The following RASSF8 variants were observed in gnomAD, a reference collection of about 807,000 sequenced individuals.
The protein encoded by RASSF8 is ras association domain-containing protein 8.
A neutral mutation model predicts 48.5 loss-of-function variants in RASSF8; 22 were observed. That is an observed-to-expected ratio of 0.45 (90% CI 0.32 to 0.65). The LOEUF is 0.65. Among genes scored for constraint, RASSF8 ranks in the 30% least tolerant of loss-of-function variants. The pLI is 0.03. For missense variants in RASSF8, 418 were observed against 489.2 expected, an observed-to-expected ratio of 0.85 and a Z score of 1.37; for synonymous variants, 127 against 171.5, an observed-to-expected ratio of 0.74 and a Z score of 2.03.
At chr12:25,990,749 AT>A (rs1941995195) in intron 1 of RASSF8, among the ~76,000 whole-genome samples, 1 of 152,358 alleles carries the variant, frequency 6.6e-6, no homozygotes, top group East Asian at 1.9e-4. Context: ...GACAACAAAA[AT>A]TTAGGAATAG....
intron 5 of RASSF8, among the ~76,000 whole-genome samples, chr12:26,078,319 A>G (rs1944088715): frequency 6.6e-6 from 1 of 152,228 alleles, no homozygotes; most frequent in Non-Finnish European, 1.5e-5. Flanking sequence ...GTGGCTTGAG[A>G]AGTCCTCTCT....
At chr12:25,972,028 G>C (rs1941497090) in intron 1 of RASSF8, among the ~76,000 whole-genome samples, 1 of 152,142 alleles carries the variant, frequency 6.6e-6, no homozygotes, top group Non-Finnish European at 1.5e-5. Context: ...CTGGATCCTT[G>C]GGCCCAGCAC....
At chr12:25,975,512 C>T (rs1941584435) in intron 1 of RASSF8, among the ~76,000 whole-genome samples, 1 of 152,180 alleles carries the variant, frequency 6.6e-6, no homozygotes, top group South Asian at 2.1e-4. Context: ...GCATACTGCT[C>T]AGTGTCTTCC....
chr12:26,010,439 G>T (rs1325721998), intron 2 of RASSF8, among the ~76,000 whole-genome samples: 1 of 152,114 alleles, frequency 6.6e-6, no homozygotes, highest in African/African-American at 2.4e-5. Flanking sequence ...ATTGCCCAGG[G>T]TCATGCAGGC....
At chr12:26,045,240 A>T (rs114300586) in intron 2 of RASSF8, among the ~76,000 whole-genome samples, 1 of 152,132 alleles carries the variant, frequency 6.6e-6, no homozygotes, top group African/African-American at 2.4e-5. Flanking sequence ...TTTACCAAAT[A>T]TTATTTTTGG....
intron 2 of RASSF8, among the ~76,000 whole-genome samples, chr12:26,003,865 A>G (rs1048490062): frequency 5.9e-5 from 9 of 152,182 alleles, no homozygotes; most frequent in Admixed American, 5.2e-4. Context: ...AGTAAAAAAT[A>G]CATTTTCCAT....
At chr12:26,036,958 T>C (rs1165970110) in intron 2 of RASSF8, among the ~76,000 whole-genome samples, 1 of 152,012 alleles carries the variant, frequency 6.6e-6, no homozygotes, top group Non-Finnish European at 1.5e-5. Flanking sequence ...TGTATTACCC[T>C]AGGATAAAGT....
In RASSF8 at chr12:25,992,022, T is replaced by G. The variant is rs140784044; in HGVS notation, c.-202-3015T>G. ...TGGTGTTCATTGATTTATGGTCATT[T>G]CAAATATTTGTATAATAGATAACTG... On this transcript the variant is annotated intron_variant, in intron 1 of 5. Transcript: ENST00000689635. Among the ~76,000 whole-genome samples the G allele has an allele frequency of 1.7e-4, 26 of 152,336 alleles. No individual in the cohort carries two copies. In the East Asian group the frequency reaches 5.0e-3, roughly 29 times the overall value.
chr12:26,027,894 A>G (rs534525691), intron 2 of RASSF8, among the ~76,000 whole-genome samples: 27 of 152,292 alleles, frequency 1.8e-4, no homozygotes, highest in African/African-American at 6.5e-4. Flanking sequence ...GAATGACCAG[A>G]TGGGTGGGAG....
chr12:25,983,913 A>G (rs1941806090), intron 1 of RASSF8, among the ~76,000 whole-genome samples: 1 of 152,210 alleles, frequency 6.6e-6, no homozygotes, highest in Non-Finnish European at 1.5e-5. Flanking sequence ...CCCTTTCTGT[A>G]CCTTTGAAAA....
At chr12:26,029,808 A>T (rs1031439746) in intron 2 of RASSF8, among the ~76,000 whole-genome samples, 2 of 152,212 alleles carry the variant, frequency 1.3e-5, no homozygotes, top group Non-Finnish European at 2.9e-5. Context: ...TCAAACTATG[A>T]CGTCCGAGTT....
At chr12:26,038,341 T>C (rs1358148327) in intron 2 of RASSF8, among the ~76,000 whole-genome samples, 1 of 152,192 alleles carries the variant, frequency 6.6e-6, no homozygotes, top group Middle Eastern at 3.2e-3. Flanking sequence ...GTATTTTGCA[T>C]TTTCATTTAT....
intron 2 of RASSF8, among the ~76,000 whole-genome samples, chr12:26,007,017 G>A (rs1942407688): frequency 6.6e-6 from 1 of 152,130 alleles, no homozygotes; most frequent in African/African-American, 2.4e-5. Context: ...CACTCATGGT[G>A]GAAAGTGAAG....
At position 25,978,000 on chromosome 12, in the gene RASSF8, C is replaced by T. The variant is rs1055798699; in HGVS notation, c.-202-17037C>T. 5.3e-5 allele frequency among the ~76,000 whole-genome samples: 8 copies of T among 152,286 alleles called. No individual in the cohort carries two copies. The East Asian group carries it at 1.5e-3, about 29-fold the overall frequency. On this transcript the variant is annotated intron_variant, in intron 1 of 5. Transcript: ENST00000689635. ...TGTGACACTCCTCTTTTCAAATCCT[C>T]AGTGGCTGCCTGTTGCTGAGAGGGT... is the stretch of plus-strand genomic sequence containing the variant.
At chr12:25,959,992 T>C (rs7965449) in intron 1 of RASSF8, among the ~76,000 whole-genome samples, 11,097 of 152,086 alleles carry the variant, frequency 0.073, 449 homozygotes, top group Non-Finnish European at 0.09. Context: ...TCACGTCTCA[T>C]AGCTGACTTA....
chr12:26,024,293 G>A (rs1942855322), intron 2 of RASSF8, among the ~76,000 whole-genome samples: 1 of 151,990 alleles, frequency 6.6e-6, no homozygotes, highest in African/African-American at 2.4e-5. Context: ...GAGCCACCAC[G>A]CCCAGCCTGG....
At chr12:26,010,853 G>T (rs953430272) in intron 2 of RASSF8, among the ~76,000 whole-genome samples, 2 of 151,944 alleles carry the variant, frequency 1.3e-5, no homozygotes, top group African/African-American at 4.8e-5. Context: ...GGGGACCTGG[G>T]GGATAGAAAG....
At position 26,023,919 on chromosome 12, in the gene RASSF8, A is replaced by G. The variant is rs1463605231; in HGVS notation, c.-109+28789A>G. On this transcript the variant is annotated intron_variant, in intron 2 of 5. Coordinates refer to ENST00000689635, the MANE Select transcript of RASSF8 (RefSeq NM_001394098.1). The stretch of plus-strand genomic sequence containing the variant: ...TATACCACATGATAAATCCACAGGA[A>G]GAAATGAAGAGAACGAGGAATGGTA... Among the ~76,000 whole-genome samples, 4 of 152,236 alleles carry G rather than the reference A, an allele frequency of 2.6e-5. No individual in the cohort carries two copies. In the East Asian group the frequency reaches 7.7e-4, roughly 29 times the overall value.
chr12:26,025,017 A>G (rs1942874936), intron 2 of RASSF8, among the ~76,000 whole-genome samples: 1 of 152,172 alleles, frequency 6.6e-6, no homozygotes, highest in Non-Finnish European at 1.5e-5. Context: ...AAACTACATG[A>G]TTATTTCAAT....
Sources: gnomAD v4.1 joint callset for allele counts (sites outside exome capture counted in the v4.1 genomes callset) on GRCh38, gnomAD v4.1.1 for gene constraint, MANE v1.5 for transcripts, NCBI Gene and HGNC (gene_info 2026-07-23, HGNC 2026-07-21) for gene names.